COBL: variants seen among roughly 807,000 people sequenced by gnomAD.
COBL encodes the protein cordon-bleu WH2 repeat protein, also known as protein cordon-bleu.
In COBL, 51 loss-of-function variants were observed where a neutral mutation model predicts 98.8. The observed-to-expected ratio is 0.52, with a 90% CI of 0.41 to 0.65. COBL has a LOEUF of 0.65. Ranked by LOEUF, COBL falls within the 30% of genes least tolerant of loss-of-function variation. COBL has a pLI of 0.00. For synonymous variants in COBL, 634 were observed against 651.7 expected (o/e 0.97, Z 0.41); for missense variants, 1,617 against 1,617.5 (o/e 1.00, Z 0.01).
At chr7:51,260,800 C>T (rs1305528417) in intron 1 of COBL, among the ~76,000 whole-genome samples, 4 of 152,126 alleles carry the variant, frequency 2.6e-5, no homozygotes, top group South Asian at 2.1e-4. Flanking sequence ...AGGGACCAGG[C>T]GGCAGAGCCT....
chr7:51,103,075 AT>A (rs1041355541), intron 6 of COBL, among the ~76,000 whole-genome samples: 1 of 152,222 alleles, frequency 6.6e-6, no homozygotes, highest in African/African-American at 2.4e-5. Context: ...CCACAAAAAA[AT>A]AACATTCTTA....
rs767196099 is a variant in COBL at position 51,029,494 on chromosome 7, G to A, written c.1602C>T (p.Gly534=). 25 of 1,614,066 alleles carry A rather than the reference G, an allele frequency of 1.5e-5. No homozygotes were observed. The South Asian group carries it at 1.9e-4, about 12-fold the overall frequency. The change falls in exon 10 of 13, where the codon GGC becomes GGT. Residue 534 remains glycine, a synonymous_variant. Coordinates refer to ENST00000265136, the MANE Select transcript of COBL (RefSeq NM_015198.5). ...HCPQDAMIPH[G]DTDAIPVTFI... The stretch of plus-strand genomic sequence containing the variant: ...ATGTTACTGGGATTGCATCTGTGTC[G>A]CCGTGAGGGATCATGGCATCCTGTG...
intron 6 of COBL, among the ~76,000 whole-genome samples, chr7:51,090,062 A>C (rs1187704464): frequency 6.6e-6 from 1 of 152,054 alleles, no homozygotes; most frequent in East Asian, 1.9e-4. Context: ...TTCTCTCTTT[A>C]TTTTTCGAGT....
intron 1 of COBL, among the ~76,000 whole-genome samples, chr7:51,302,905 C>T (rs1802113486): frequency 6.6e-6 from 1 of 152,126 alleles, no homozygotes; most frequent in African/African-American, 2.4e-5. Flanking sequence ...TCACCCCTCA[C>T]CCCCAACCAA....
rs758959662 is a variant in COBL at position 51,148,788 on chromosome 7, A to C, written c.784-12457T>G. Among the ~76,000 whole-genome samples the C allele has an allele frequency of 1.6e-4, 24 of 152,130 alleles. 1 individual carries two copies. The highest frequency in any genetic ancestry group is 3.2e-4 in the Non-Finnish European group (22 of 68,012). ...GTGGGAAGGGAGGTGGGGTGCTGGC[A>C]GCGGGGGCTGTAGCAGAGGCAAGCC... On this transcript the variant is annotated intron_variant, in intron 5 of 12. Transcript: ENST00000265136.
At chr7:51,024,480 A>G (rs2128865711) in intron 12 of COBL, among the ~76,000 whole-genome samples, 1 of 152,320 alleles carries the variant, frequency 6.6e-6, no homozygotes, top group South Asian at 2.1e-4. Flanking sequence ...CATCTGGCCC[A>G]AGCAGCCCTT....
chr7:51,308,746 A>G (rs773826723), intron 1 of COBL, among the ~76,000 whole-genome samples: 8 of 152,024 alleles, frequency 5.3e-5, no homozygotes, highest in East Asian at 1.9e-4. Context: ...TCTTTCCCCA[A>G]CTCCTCCAGG....
At chr7:51,239,374 T>C (rs893343181) in intron 1 of COBL, among the ~76,000 whole-genome samples, 1 of 152,212 alleles carries the variant, frequency 6.6e-6, no homozygotes, top group African/African-American at 2.4e-5. Flanking sequence ...ACCAGCACCA[T>C]GACAGTTTAC....
intron 6 of COBL, among the ~76,000 whole-genome samples, chr7:51,127,174 C>T (rs1350426874): frequency 6.6e-6 from 1 of 152,210 alleles, no homozygotes; most frequent in Non-Finnish European, 1.5e-5. Context: ...CTACCTTCTC[C>T]AAGGAGTACT....
At chr7:51,311,177 G>T (rs1803000238) in intron 1 of COBL, among the ~76,000 whole-genome samples, 1 of 152,136 alleles carries the variant, frequency 6.6e-6, no homozygotes, top group South Asian at 2.1e-4. Flanking sequence ...TTTTTTAATA[G>T]AAATGTTTTT....
chr7:51,163,528 T>C (rs1787018056), intron 5 of COBL, among the ~76,000 whole-genome samples: 1 of 152,226 alleles, frequency 6.6e-6, no homozygotes, highest in Non-Finnish European at 1.5e-5. Context: ...AGTATATTCT[T>C]ATTTATGAGT....
intron 12 of COBL, chr7:51,022,959 A>G (rs1787093894): frequency 6.6e-6 from 1 of 152,226 alleles, no homozygotes; most frequent in Admixed American, 6.5e-5. Flanking sequence ...CAGATGTCCT[A>G]TGGACCTACA....
chr7:51,155,154 A>G (rs907046273), intron 5 of COBL, among the ~76,000 whole-genome samples: 2 of 152,222 alleles, frequency 1.3e-5, no homozygotes, highest in Non-Finnish European at 2.9e-5. Context: ...AACCTCTGGA[A>G]GAAGGGGCAG....
chr7:51,228,679 A>G (rs1794435327), intron 1 of COBL, among the ~76,000 whole-genome samples: 1 of 152,196 alleles, frequency 6.6e-6, no homozygotes, highest in South Asian at 2.1e-4. Context: ...TAGATATGGG[A>G]ACACTGATAT....
In COBL at chr7:51,182,578, G is replaced by A. The variant is rs555543409; in HGVS notation, c.783+1524C>T. ...ATTACAGTTGTGAGCCACCGCGCCCGGCCACAAAATTCTGCTTCTGTGATT... is the reference window on the plus strand; with the variant it reads ...ATTACAGTTGTGAGCCACCGCGCCCAGCCACAAAATTCTGCTTCTGTGATT... On this transcript the variant is annotated intron_variant, in intron 5 of 12. Coordinates refer to ENST00000265136, the MANE Select transcript of COBL (RefSeq NM_015198.5). Among the ~76,000 whole-genome samples the A allele has an allele frequency of 1.4e-3, 206 of 151,746 alleles. 1 individual carries two copies. Among genetic ancestry groups the A allele is most frequent in the South Asian group, 1.9e-3 (9 of 4,788 alleles).
intron 7 of COBL, among the ~76,000 whole-genome samples, chr7:51,062,567 T>A (rs781486060): frequency 6.6e-5 from 10 of 152,200 alleles, no homozygotes; most frequent in Non-Finnish European, 1.0e-4. Flanking sequence ...TAGACCAGTT[T>A]AAGACCAGCC....
intron 5 of COBL, among the ~76,000 whole-genome samples, chr7:51,159,282 C>CT (rs1786540669): frequency 6.6e-6 from 1 of 152,144 alleles, no homozygotes; most frequent in Non-Finnish European, 1.5e-5. Flanking sequence ...CAAGGCCAGG[C>CT]TGTGTGAAGT....
chr7:51,234,804 C>G (rs1265059046), intron 1 of COBL, among the ~76,000 whole-genome samples: 1 of 151,952 alleles, frequency 6.6e-6, no homozygotes, highest in African/African-American at 2.4e-5. Context: ...CTGGACTAGA[C>G]CAGGGCACAT....
chr7:51,053,021 T>C (rs1298224592), intron 7 of COBL, among the ~76,000 whole-genome samples: 2 of 152,228 alleles, frequency 1.3e-5, no homozygotes, highest in Non-Finnish European at 2.9e-5. Context: ...TGTGCCTTTG[T>C]GGCTGCCTTT....
Sources: allele counts gnomAD v4.1 joint callset (sites outside exome capture counted in the v4.1 genomes callset), GRCh38; gene constraint gnomAD v4.1.1; transcripts MANE v1.5; gene names NCBI Gene and HGNC (gene_info 2026-07-23, HGNC 2026-07-21).